The following C3orf20 variants were observed in gnomAD, a reference collection of about 807,000 sequenced individuals.
C3orf20 encodes the protein uncharacterized protein C3orf20.
A neutral mutation model predicts 88.3 loss-of-function variants in C3orf20; 76 were observed. That is an observed-to-expected ratio of 0.86 (90% CI 0.72 to 1.04). The LOEUF (loss-of-function observed/expected upper bound fraction) is 1.04, where lower values mean the gene tolerates loss of function less well. Among genes scored for constraint, C3orf20 ranks in the 50% least tolerant of loss-of-function variants. The pLI is 0.00. For missense variants in C3orf20, 1,056 were observed against 1,123.3 expected, an observed-to-expected ratio of 0.94 and a Z score of 0.86; for synonymous variants, 436 against 437.4, an observed-to-expected ratio of 1.00 and a Z score of 0.04.
Position 14,732,791 on chromosome 3 carries a change from A to T in C3orf20, c.1940+4103A>T, listed in dbSNP as rs115183519. On this transcript the variant is annotated intron_variant, in intron 12 of 16. Coordinates refer to ENST00000253697, the MANE Select transcript of C3orf20 (RefSeq NM_032137.5). ...CCTGGCCTAACCCAATGTCACAAAAATTTCTGCTATGTTTTCTTCTAAAAG... is the reference window on the plus strand; with the variant it reads ...CCTGGCCTAACCCAATGTCACAAAATTTTCTGCTATGTTTTCTTCTAAAAG... Among the ~76,000 whole-genome samples the T allele has an allele frequency of 3.4e-3, 523 of 152,168 alleles. 1 individual carries two copies. Among genetic ancestry groups the T allele is most frequent in the African/African-American group, 0.012 (501 of 41,524 alleles).
intron 7 of C3orf20, among the ~76,000 whole-genome samples, chr3:14,711,627 CTTTTTTTTTT>C (rs35966332): frequency 1.1e-4 from 8 of 72,588 alleles, no homozygotes; most frequent in South Asian, 1.1e-3. Context: ...ATCCTGCCAG[CTTTTTTTTTT>C]TTTTTTTTTT....
chr3:14,752,783 A>G (rs139736852), intron 12 of C3orf20, among the ~76,000 whole-genome samples: 2,646 of 152,346 alleles, frequency 0.017, 36 homozygotes, highest in Admixed American at 0.028. Flanking sequence ...CAAAACGATA[A>G]TGAGATATCA....
chr3:14,682,940 C>T lies in C3orf20; in HGVS notation c.227C>T (p.Pro76Leu). Residue 76 changes from proline (P) to leucine (L), a missense_variant, in exon 3 of 17, where the codon CCC (proline) becomes CTC (leucine). By Grantham distance (98) the Pro-to-Leu change is moderately conservative (BLOSUM62 -3). Coordinates refer to ENST00000253697, the MANE Select transcript of C3orf20 (RefSeq NM_032137.5). ...GGCCTGGAGGTCAGCTTTGGAGCCC[C>T]CCTGGTGGTGCTCATGGAACCCACC... ...ILGLEVSFGA[P>L]LVVLMEPTFV... 1 of 1,614,168 alleles carries T rather than the reference C, an allele frequency of 6.2e-7. No homozygotes were observed. Among genetic ancestry groups the T allele is most frequent in the Non-Finnish European group, 8.5e-7 (1 of 1,180,022 alleles).
intron 14 of C3orf20, among the ~76,000 whole-genome samples, chr3:14,760,401 G>A (rs535661128): frequency 1.3e-5 from 2 of 152,228 alleles, no homozygotes; most frequent in Non-Finnish European, 2.9e-5. Flanking sequence ...CACTCAGAGA[G>A]TCTCATTTGC....
intron 5 of C3orf20, among the ~76,000 whole-genome samples, chr3:14,698,709 C>G (rs1422437926): frequency 6.6e-6 from 1 of 152,062 alleles, no homozygotes; most frequent in Non-Finnish European, 1.5e-5. Flanking sequence ...TGGGAGTGCA[C>G]TGGATGAAAC....
chr3:14,723,951 C>T (rs974056311), intron 10 of C3orf20, among the ~76,000 whole-genome samples: 10 of 151,966 alleles, frequency 6.6e-5, no homozygotes, highest in South Asian at 2.1e-4. Flanking sequence ...TTCAGACTCT[C>T]GAGGATTACA....
intron 10 of C3orf20, among the ~76,000 whole-genome samples, chr3:14,723,369 A>G (rs1391775139): frequency 6.6e-6 from 1 of 152,240 alleles, no homozygotes; most frequent in Non-Finnish European, 1.5e-5. Flanking sequence ...CTACATTTTC[A>G]TTCCAGCAGC....
intron 5 of C3orf20, among the ~76,000 whole-genome samples, chr3:14,696,565 A>G (rs1051140353): frequency 4.6e-5 from 7 of 151,646 alleles, no homozygotes; most frequent in Non-Finnish European, 8.8e-5. Flanking sequence ...TAATTTTTGT[A>G]TTTTTAGTAG....
At chr3:14,729,109 A>G (rs1189309179) in intron 12 of C3orf20, among the ~76,000 whole-genome samples, 4 of 152,198 alleles carry the variant, frequency 2.6e-5, no homozygotes, top group African/African-American at 9.7e-5. Context: ...ATCTACAGCC[A>G]CTTCCTTGTG....
chr3:14,760,606 C>CTTTTTT (rs33982218), intron 14 of C3orf20, among the ~76,000 whole-genome samples: 15 of 97,786 alleles, frequency 1.5e-4, no homozygotes, highest in East Asian at 3.0e-4. Flanking sequence ...AGTCTGTCTT[C>CTTTTTT]TTTTTTTTTT....
intron 12 of C3orf20, among the ~76,000 whole-genome samples, chr3:14,747,008 T>G (rs1206115433): frequency 1.3e-5 from 2 of 152,192 alleles, no homozygotes; most frequent in Non-Finnish European, 2.9e-5. Context: ...GGGTGAGAAC[T>G]GTTGTAGCCA....
chr3:14,742,940 C>A lies in C3orf20; in HGVS notation c.1940+14252C>A, dbSNP rs967446952. ...CCTCCCCACTGGGTCCCTCCCACAACACGTGGGAATTCTGAGAGATAAAAT... is the reference window on the plus strand; with the variant it reads ...CCTCCCCACTGGGTCCCTCCCACAAAACGTGGGAATTCTGAGAGATAAAAT... On this transcript the variant is annotated intron_variant, in intron 12 of 16. Transcript: ENST00000253697. 2.0e-5 allele frequency among the ~76,000 whole-genome samples: 3 copies of A among 152,064 alleles called. No homozygotes were observed. In the East Asian group the frequency reaches 5.8e-4, roughly 29 times the overall value.
At chr3:14,761,146 G>A (rs1575161678) in intron 14 of C3orf20, among the ~76,000 whole-genome samples, 1 of 151,894 alleles carries the variant, frequency 6.6e-6, no homozygotes, top group South Asian at 2.1e-4. Context: ...ATTTGAGCTG[G>A]GTGGCCAAGC....
intron 12 of C3orf20, among the ~76,000 whole-genome samples, chr3:14,756,718 AGCAAAG>A (rs908384243): frequency 6.6e-6 from 1 of 152,226 alleles, no homozygotes; most frequent in Non-Finnish European, 1.5e-5. Context: ...AAGTGCAGTG[AGCAAAG>A]GCAGGAATGC....
intron 4 of C3orf20, among the ~76,000 whole-genome samples, chr3:14,685,925 G>A (rs1015074290): frequency 2.3e-5 from 3 of 128,038 alleles, no homozygotes; most frequent in East Asian, 2.5e-4. Flanking sequence ...GCAGTGGCAC[G>A]ATCTTGGCTC....
rs769932810 is a variant in C3orf20, at chr3:14,701,087, G to A, written c.746-2043G>A. Among the ~76,000 whole-genome samples, 3 of 152,354 alleles carry A rather than the reference G, an allele frequency of 2.0e-5. No homozygotes were observed. The highest frequency in any genetic ancestry group is 3.4e-3 in the Middle Eastern group (1 of 294). On this transcript the variant is annotated intron_variant, in intron 5 of 16. Transcript: ENST00000253697. The surrounding 1 kb of genome is among the most constrained non-coding windows in gnomAD (Gnocchi z 4.6). ...GCACCTGGGGCAGGCCAGACATGGA[G>A]GCTCAATCCAGCAGATGCTCCAGGT...
At chr3:14,730,054 G>A (rs1308159213) in intron 12 of C3orf20, among the ~76,000 whole-genome samples, 1 of 152,130 alleles carries the variant, frequency 6.6e-6, no homozygotes, top group Admixed American at 6.5e-5. Flanking sequence ...CCATCCAAAT[G>A]ACCAATCTCA....
chr3:14,700,289 G>A lies in C3orf20; in HGVS notation c.746-2841G>A, dbSNP rs527791080. The stretch of plus-strand genomic sequence containing the variant: ...TAGTTGTTAAATTTGGTGTTCCTAT[G>A]GGGAGAACAATCAGTAGAGCCTTCT... On this transcript the variant is annotated intron_variant, in intron 5 of 16. Transcript: ENST00000253697. Among the ~76,000 whole-genome samples the A allele has an allele frequency of 7.6e-4, 116 of 152,074 alleles. 1 individual carries two copies. Among genetic ancestry groups the A allele is most frequent in the Middle Eastern group, 3.4e-3 (1 of 294 alleles).
chr3:14,704,410 A>T lies in C3orf20; in HGVS notation c.952A>T (p.Met318Leu), dbSNP rs764197817. 5.6e-6 allele frequency: 9 copies of T among 1,613,994 alleles called. No individual in the cohort carries two copies. The African/African-American group carries it at 9.3e-5, about 17-fold the overall frequency. Residue 318 changes from methionine to leucine, a missense_variant, in exon 7 of 17, where the codon ATG (methionine) becomes TTG (leucine). By Grantham distance (15) the Met-to-Leu change is conservative. Coordinates refer to ENST00000253697, the MANE Select transcript of C3orf20 (RefSeq NM_032137.5). ...GATCTTACGAAACTACAAGGCAAAG[A>T]TGCCCTCTCATCTAATGTTGGCCCG... is the stretch of plus-strand genomic sequence containing the variant. Reference protein sequence around the residue: ...PMILRNYKAKMPSHLMLARKG... With the variant: ...PMILRNYKAKLPSHLMLARKG...
Sources: allele counts gnomAD v4.1 joint callset (sites outside exome capture counted in the v4.1 genomes callset), GRCh38; gene constraint gnomAD v4.1.1; non-coding constraint Gnocchi (gnomAD v3.1); transcripts MANE v1.5; gene names NCBI Gene and HGNC (gene_info 2026-07-23, HGNC 2026-07-21).